Variants in CPLANE1 observed in about 807,000 individuals in gnomAD.
The protein encoded by CPLANE1 is ciliogenesis and planar polarity effector 1.
Under a neutral mutation model 362.5 loss-of-function variants are expected in CPLANE1, and 263 were observed. The observed-to-expected ratio is 0.73, with a 90% CI of 0.66 to 0.80. The LOEUF (loss-of-function observed/expected upper bound fraction) is 0.80, where lower values mean the gene tolerates loss of function less well. Among genes scored for constraint, CPLANE1 ranks in the 30% least tolerant of loss-of-function variants. The pLI, the probability that CPLANE1 is intolerant of heterozygous loss-of-function variation, is 0.00. For missense variants in CPLANE1, 3,461 were observed against 3,793.4 expected (o/e 0.91, Z 2.30); for synonymous variants, 1,212 against 1,302.6 (o/e 0.93, Z 1.50).
the CPLANE1 span, among the ~76,000 whole-genome samples, chr5:37,094,849 C>T: frequency 6.6e-6 from 1 of 152,234 alleles, no homozygotes; most frequent in Admixed American, 6.5e-5. Context: ...TGCATAAATT[C>T]CTGGAAAGAT....
intron 4 of CPLANE1, among the ~76,000 whole-genome samples, 178 bp downstream of exon 4, chr5:37,245,297 CTATA>C (rs57781968): frequency 0.021 from 1,225 of 59,048 alleles, 7 homozygotes; most frequent in Non-Finnish European, 0.027. Context: ...ATAACCAAAA[CTATA>C]TATATATATA....
intron 9 of CPLANE1, among the ~76,000 whole-genome samples, chr5:37,228,191 G>C (rs1236560086): frequency 6.6e-6 from 1 of 150,810 alleles, no homozygotes; most frequent in African/African-American, 2.4e-5. Context: ...TGAACTATCA[G>C]TATACTTTTT....
chr5:37,168,683 C>G (rs1778958684), intron 34 of CPLANE1, 108 bp downstream of exon 34: 2 of 922,224 alleles, frequency 2.2e-6, no homozygotes, highest in South Asian at 3.9e-5. Context: ...TTTTCTATAA[C>G]AAGCATTTTT....
In CPLANE1 at chr5:37,138,731, C is replaced by G; in HGVS notation, c.8781G>C (p.Met2927Ile). 1 of 1,609,804 alleles carries G rather than the reference C, an allele frequency of 6.2e-7. No individual in the cohort carries two copies. The highest frequency in any genetic ancestry group is 8.5e-7 in the Non-Finnish European group (1 of 1,178,802). Residue 2927 changes from methionine to isoleucine, a missense_variant, in exon 46 of 53, where the codon ATG becomes ATC. By Grantham distance (10) the Met-to-Ile change is conservative. This residue lies in a region of CPLANE1 where 3,380 missense variants were observed against 3,666.1 expected (regional missense o/e 0.92). Transcript: ENST00000651892. ...SEELGLTEQA[M>I]GTSRIQHYSG... ...TATTCAATGATTACCTGGAGGTGCC[C>G]ATAGCTTGTTCTGTTAAGCCAAGTT...
At chr5:37,218,626 A>G (rs1332773781) in intron 15 of CPLANE1, among the ~76,000 whole-genome samples, 1 of 152,194 alleles carries the variant, frequency 6.6e-6, no homozygotes, top group African/African-American at 2.4e-5. Flanking sequence ...TATATGCTTA[A>G]TATATTTTAA....
the CPLANE1 span, among the ~76,000 whole-genome samples, chr5:37,082,767 C>CA: frequency 0.12 from 15,025 of 125,582 alleles, 2,607 homozygotes; most frequent in African/African-American, 0.39. Context: ...CGTGGAAACC[C>CA]AAAAAAAAAA....
chr5:37,183,274 T>C lies in CPLANE1; in HGVS notation c.4907A>G (p.Asp1636Gly), dbSNP rs747558469. Residue 1636 changes from aspartate (D) to glycine (G), a missense_variant, in exon 26 of 53, where the codon GAT becomes GGT. By Grantham distance (94) the Asp-to-Gly change is moderately conservative. Transcript: ENST00000651892. ...GTTTTCTAAATGCATGCCATATTCA[T>C]CATTTAAAGAGGATGATTTTTCTGA... The part of the protein sequence containing the change: ...YESEKSSSLN[D>G]EYGMHLENQK... 13 of 1,613,484 alleles carry C rather than the reference T, an allele frequency of 8.1e-6. No individual in the cohort carries two copies. Among genetic ancestry groups the C allele is most frequent in the Non-Finnish European group, 8.5e-6 (10 of 1,179,866 alleles).
At chr5:37,200,527 A>AT (rs1417669002) in intron 19 of CPLANE1, among the ~76,000 whole-genome samples, 2 of 152,226 alleles carry the variant, frequency 1.3e-5, no homozygotes, top group Non-Finnish European at 2.9e-5. Context: ...ATATAACCAA[A>AT]TAGGACAAAT....
In CPLANE1 at chr5:37,247,703, G is replaced by T. The variant is rs1443332272; in HGVS notation, c.-5C>A. 1 of 1,544,908 alleles carries T rather than the reference G, an allele frequency of 6.5e-7. No individual in the cohort carries two copies. Among genetic ancestry groups the T allele is most frequent in the Non-Finnish European group, 8.8e-7 (1 of 1,142,412 alleles). ...GATTTCTAATCTTATCTCCATGTTT[G>T]TTAAGCTATCAATGACCAATTAAGT... On this transcript the variant is annotated 5_prime_UTR_variant, in exon 2 of 53. Coordinates refer to ENST00000651892, the MANE Select transcript of CPLANE1 (RefSeq NM_001384732.1).
chr5:37,112,503 T>C (rs1759643061), intron 51 of CPLANE1, among the ~76,000 whole-genome samples: 1 of 152,228 alleles, frequency 6.6e-6, no homozygotes, highest in Non-Finnish European at 1.5e-5. Context: ...AGGTAAGTTA[T>C]AGATCAAGAA....
chr5:37,157,632 T>G, intron 40 of CPLANE1, 38 bp downstream of exon 40: 1 of 1,564,048 alleles, frequency 6.4e-7, no homozygotes. Flanking sequence ...TAAAGAACTT[T>G]TCAAATTATA....
chr5:37,184,870 C>T lies in CPLANE1; in HGVS notation c.4399G>A (p.Asp1467Asn), dbSNP rs1783568098. 1 of 1,613,812 alleles carries T rather than the reference C, an allele frequency of 6.2e-7. No individual in the cohort carries two copies. Among genetic ancestry groups the T allele is most frequent in the African/African-American group, 1.3e-5 (1 of 75,034 alleles). Residue 1467 changes from aspartate (D) to asparagine (N), a missense_variant, in exon 25 of 53, where the codon GAT becomes AAT. Coordinates refer to ENST00000651892, the MANE Select transcript of CPLANE1 (RefSeq NM_001384732.1). ...LSRSTLTELG[D>N]SVVHSDADTF... Reference sequence around the variant, plus strand: ...TCTGCATCACTGTGAACCACAGAATCTCCTAGTTCTGTGAGTGTACTTCTG... The same window carrying T: ...TCTGCATCACTGTGAACCACAGAATTTCCTAGTTCTGTGAGTGTACTTCTG...
chr5:37,183,344 A>G lies in CPLANE1; in HGVS notation c.4837T>C (p.Phe1613Leu). ...ACAACAAAGCAAGAACCAGCTCTAA[A>G]CACATTCTGGCTTTTAGTTTTGCTC... The part of the protein sequence containing the change: ...HQSKTKSQNV[F>L]RAGSCFVVAP... Residue 1613 changes from phenylalanine (F) to leucine (L), a missense_variant, in exon 26 of 53, where the codon TTT becomes CTT. Physicochemically the swap from Phe to Leu is conservative, Grantham distance 22. Around this residue, in one of 2 missense-constraint regions of CPLANE1, gnomAD observed 3,380 missense variants for 3,666.1 expected, o/e 0.92. Coordinates refer to ENST00000651892, the MANE Select transcript of CPLANE1 (RefSeq NM_001384732.1). 6.2e-7 allele frequency: 1 copy of G among 1,612,724 alleles called. No homozygotes were observed. Among genetic ancestry groups the G allele is most frequent in the Non-Finnish European group, 8.5e-7 (1 of 1,179,670 alleles).
At chr5:37,085,377 T>A in the CPLANE1 span, 1 of 1,337,282 alleles carries the variant, frequency 7.5e-7, no homozygotes, top group Admixed American at 1.7e-5. Context: ...CAAGGGTCGC[T>A]TTGCTGTACA....
In CPLANE1 at chr5:37,214,406, C is replaced by T. The variant is rs560983915; in HGVS notation, c.2747-674G>A. Reference sequence around the variant, plus strand: ...AGGAGGATCGCTTGAGTCTAGGAGGCGGAGGCTGCAGTAAGCTGAGATTGT... The same window carrying T: ...AGGAGGATCGCTTGAGTCTAGGAGGTGGAGGCTGCAGTAAGCTGAGATTGT... On this transcript the variant is annotated intron_variant, in intron 15 of 52. Coordinates refer to ENST00000651892, the MANE Select transcript of CPLANE1 (RefSeq NM_001384732.1). 6.6e-5 allele frequency among the ~76,000 whole-genome samples: 10 copies of T among 152,188 alleles called. No homozygotes were observed. In the East Asian group the frequency reaches 1.7e-3, roughly 27 times the overall value.
chr5:37,126,472 C>A (rs1764152679), intron 46 of CPLANE1, among the ~76,000 whole-genome samples: 1 of 152,140 alleles, frequency 6.6e-6, no homozygotes, highest in Non-Finnish European at 1.5e-5. Context: ...ACACAGTGCA[C>A]TGAGACTCTG....
chr5:37,145,227 T>A (rs760448300), intron 43 of CPLANE1, among the ~76,000 whole-genome samples: 42 of 152,136 alleles, frequency 2.8e-4, no homozygotes, highest in Non-Finnish European at 5.1e-4. Flanking sequence ...ATTGCTTGAA[T>A]CTGGGAGGCA....
chr5:37,169,911 G>A, intron 33 of CPLANE1, 130 bp downstream of exon 33: 1 of 884,118 alleles, frequency 1.1e-6, no homozygotes, highest in Non-Finnish European at 1.8e-6. Context: ...ATTTTTAGTA[G>A]AGACGGGGTT....
At chr5:37,244,739 A>C (rs1160271110) in intron 4 of CPLANE1, 132 bp from the exon 5 acceptor site, 9 of 649,208 alleles carry the variant, frequency 1.4e-5, no homozygotes, top group Non-Finnish European at 2.3e-5. Context: ...AAACTAAGGC[A>C]CTAGCAAAAA....
Sources: allele counts gnomAD v4.1 joint callset (sites outside exome capture counted in the v4.1 genomes callset), GRCh38; gene constraint gnomAD v4.1.1; regional missense constraint gnomAD v4.1.1; transcripts MANE v1.5; gene names NCBI Gene and HGNC (gene_info 2026-07-23, HGNC 2026-07-21).